Variants in ATP8B4 observed in about 807,000 individuals in gnomAD.
ATP8B4 encodes ATPase phospholipid transporting 8B4 (putative).
Under a neutral mutation model 145.6 loss-of-function variants are expected in ATP8B4, and 133 were observed. The ratio of observed to expected loss-of-function variants is 0.91; its 90% confidence interval spans 0.79 to 1.05. ATP8B4 has a LOEUF of 1.05. Among genes scored for constraint, ATP8B4 ranks in the 50% least tolerant of loss-of-function variants. The pLI is 0.00. For missense variants in ATP8B4, 1,458 were observed against 1,425.2 expected (o/e 1.02, Z -0.37); for synonymous variants, 507 against 492.9 (o/e 1.03, Z -0.38).
intron 24 of ATP8B4, among the ~76,000 whole-genome samples, 167 bp downstream of exon 24, chr15:49,879,209 T>C (rs1208519072): frequency 6.6e-6 from 1 of 151,844 alleles, no homozygotes; most frequent in East Asian, 1.9e-4. Flanking sequence ...GGTATAGGGG[T>C]AAGGGAGGCA....
intron 3 of ATP8B4, among the ~76,000 whole-genome samples, chr15:50,050,535 A>T (rs2052095603): frequency 6.6e-6 from 1 of 152,174 alleles, no homozygotes; most frequent in Admixed American, 6.5e-5. Flanking sequence ...CTAAAGCATT[A>T]AATATTCCTC....
In ATP8B4 at chr15:49,876,324, A is replaced by C; in HGVS notation, c.2981T>G (p.Phe994Cys). ...DGQHIADYQS[F>C]AVTMATSLVI... ...CAAAGATGTGGCCATGGTAACTGCA[A>C]AGGACTGGTAGTCAGCAATATGTTG... is the stretch of plus-strand genomic sequence containing the variant. The change falls in exon 25 of 28, where the codon TTT (phenylalanine) becomes TGT (cysteine). Residue 994 changes from phenylalanine to cysteine, a missense_variant. By Grantham distance (205) the Phe-to-Cys change is radical. Coordinates refer to ENST00000284509, the MANE Select transcript of ATP8B4 (RefSeq NM_024837.4). 6.2e-7 allele frequency: 1 copy of C among 1,614,128 alleles called. No homozygotes were observed. The highest frequency in any genetic ancestry group is 1.1e-5 in the South Asian group (1 of 91,084).
At chr15:50,177,007 G>T (rs538932414) in intron 1 of ATP8B4, among the ~76,000 whole-genome samples, 1 of 152,180 alleles carries the variant, frequency 6.6e-6, no homozygotes, top group South Asian at 2.1e-4. Flanking sequence ...CATCCTGTAT[G>T]CCTATACTCA....
intron 14 of ATP8B4, among the ~76,000 whole-genome samples, chr15:49,961,736 G>A (rs757567613): frequency 5.9e-4 from 89 of 152,106 alleles, no homozygotes; most frequent in Admixed American, 1.1e-3. Flanking sequence ...TGTAAAAGGT[G>A]TGGAAATATA....
chr15:50,142,350 C>CA (rs2044223676), intron 1 of ATP8B4, among the ~76,000 whole-genome samples: 1 of 152,112 alleles, frequency 6.6e-6, no homozygotes, highest in African/African-American at 2.4e-5. Context: ...GGACACAACT[C>CA]AGAGTTATCA....
intron 20 of ATP8B4, among the ~76,000 whole-genome samples, chr15:49,908,368 T>C (rs903463308): frequency 6.6e-6 from 1 of 152,044 alleles, no homozygotes; most frequent in Non-Finnish European, 1.5e-5. Flanking sequence ...GAGAAAATAT[T>C]GGAGTTCAAG....
In ATP8B4 at chr15:50,000,604, T is replaced by A. The variant is rs150811550; in HGVS notation, c.506+1549A>T. Among the ~76,000 whole-genome samples the A allele has an allele frequency of 4.8e-3, 736 of 152,280 alleles. 7 individuals are homozygous for A. The highest frequency in any genetic ancestry group is 0.017 in the African/African-American group (707 of 41,574). On this transcript the variant is annotated intron_variant, in intron 8 of 27. Transcript: ENST00000284509. ...TTTTAAAATATATTCAAGATACAAG[T>A]CCCTGGTCAAATAGATGGTTTACAA... is the stretch of plus-strand genomic sequence containing the variant.
chr15:49,916,230 G>A (rs2039724530), intron 20 of ATP8B4, among the ~76,000 whole-genome samples: 1 of 152,080 alleles, frequency 6.6e-6, no homozygotes, highest in Non-Finnish European at 1.5e-5. Flanking sequence ...ATAAGGAAAT[G>A]AAATAAATTG....
chr15:49,881,785 T>G (rs1407980212), intron 23 of ATP8B4, among the ~76,000 whole-genome samples: 1 of 152,156 alleles, frequency 6.6e-6, no homozygotes, highest in African/African-American at 2.4e-5. Context: ...AATAATTGAT[T>G]CATACCAAAC....
chr15:50,167,089 T>C (rs1242180718), intron 1 of ATP8B4, among the ~76,000 whole-genome samples: 1 of 152,232 alleles, frequency 6.6e-6, no homozygotes, highest in African/African-American at 2.4e-5. Context: ...ACAGCCTACT[T>C]TAGGTCCTTG....
intron 3 of ATP8B4, among the ~76,000 whole-genome samples, chr15:50,066,353 A>C (rs1422942385): frequency 6.6e-6 from 1 of 152,148 alleles, no homozygotes; most frequent in Non-Finnish European, 1.5e-5. Context: ...AAAAAGCAAC[A>C]ACTAACAACC....
At chr15:49,913,425 G>A (rs2039436314) in intron 20 of ATP8B4, among the ~76,000 whole-genome samples, 1 of 152,146 alleles carries the variant, frequency 6.6e-6, no homozygotes, top group Admixed American at 6.5e-5. Context: ...CATACTGAAT[G>A]AGGAAGAGTT....
intron 14 of ATP8B4, among the ~76,000 whole-genome samples, chr15:49,936,745 T>C (rs996527538): frequency 6.6e-6 from 1 of 152,076 alleles, no homozygotes; most frequent in African/African-American, 2.4e-5. Context: ...TTTGTTTGTT[T>C]GTTTTTCCAT....
At chr15:50,005,210 C>T (rs984483923) in intron 7 of ATP8B4, among the ~76,000 whole-genome samples, 3 of 152,112 alleles carry the variant, frequency 2.0e-5, no homozygotes, top group Admixed American at 6.5e-5. Context: ...TCCAACACAA[C>T]GCCCCTTCCC....
chr15:50,082,019 T>C (rs190016226), intron 2 of ATP8B4, among the ~76,000 whole-genome samples: 1 of 152,320 alleles, frequency 6.6e-6, no homozygotes, highest in African/African-American at 2.4e-5. Flanking sequence ...ATTTGGGGTT[T>C]AGGGTGATTG....
intron 2 of ATP8B4, among the ~76,000 whole-genome samples, chr15:50,082,921 T>G (rs1300986065): frequency 1.3e-5 from 2 of 152,180 alleles, no homozygotes; most frequent in Non-Finnish European, 2.9e-5. Context: ...AAAGTCAGAA[T>G]GCAAACACAG....
chr15:50,094,210 G>A (rs1241018800), intron 2 of ATP8B4, among the ~76,000 whole-genome samples: 1 of 152,150 alleles, frequency 6.6e-6, no homozygotes. Flanking sequence ...CCTGATGTGT[G>A]TGGGATTCAT....
At chr15:50,051,435 C>T (rs1303896932) in intron 3 of ATP8B4, among the ~76,000 whole-genome samples, 1 of 152,112 alleles carries the variant, frequency 6.6e-6, no homozygotes, top group Admixed American at 6.5e-5. Context: ...TTTTGTGCTA[C>T]AAGTTCTGGG....
At chr15:50,019,538 T>G (rs773573395) in intron 6 of ATP8B4, among the ~76,000 whole-genome samples, 1 of 152,236 alleles carries the variant, frequency 6.6e-6, no homozygotes, top group Non-Finnish European at 1.5e-5. Context: ...CTGTGACTAT[T>G]TTTTATTATT....
Sources: gnomAD v4.1 joint callset for allele counts (sites outside exome capture counted in the v4.1 genomes callset) on GRCh38, gnomAD v4.1.1 for gene constraint, MANE v1.5 for transcripts, NCBI Gene and HGNC (gene_info 2026-07-23, HGNC 2026-07-21) for gene names.